TANGO6: variants seen among roughly 807,000 people sequenced by gnomAD.
TANGO6 encodes transport and golgi organization 6 homolog, also known as transport and Golgi organization protein 6 homolog.
TANGO6 carries 90 observed loss-of-function variants against 114.2 expected under a neutral mutation model. The ratio of observed to expected loss-of-function variants is 0.79; its 90% CI spans 0.66 to 0.94. TANGO6 has a LOEUF of 0.94. Ranked by LOEUF, TANGO6 falls within the 40% of genes least tolerant of loss-of-function variation. The pLI is 0.00. For missense variants in TANGO6, 1,274 were observed against 1,315.3 expected (o/e 0.97, Z 0.49); for synonymous variants, 477 against 509.8 (o/e 0.94, Z 0.87).
At chr16:68,911,415 CTTTTT>C (rs776375913) in intron 11 of TANGO6, among the ~76,000 whole-genome samples, 1 of 133,610 alleles carries the variant, frequency 7.5e-6, no homozygotes, top group Non-Finnish European at 1.6e-5. Flanking sequence ...TTTATAGTTT[CTTTTT>C]TTTTTTTTTT....
At chr16:68,901,525 G>A (rs1402928936) in intron 8 of TANGO6, among the ~76,000 whole-genome samples, 2 of 152,180 alleles carry the variant, frequency 1.3e-5, no homozygotes, top group African/African-American at 2.4e-5. Context: ...GTCTCGCTCT[G>A]TTGCCCAGAC....
intron 4 of TANGO6, among the ~76,000 whole-genome samples, chr16:68,868,471 G>T (rs978041232): frequency 2.8e-5 from 4 of 145,452 alleles, no homozygotes; most frequent in Non-Finnish European, 3.0e-5. Context: ...AGTTTTTTCT[G>T]GTATTTACCT....
At chr16:68,920,041 C>G (rs1963068899) in intron 12 of TANGO6, among the ~76,000 whole-genome samples, 1 of 152,098 alleles carries the variant, frequency 6.6e-6, no homozygotes, top group Non-Finnish European at 1.5e-5. Flanking sequence ...GAGCTAAACT[C>G]CATCTCAAAA....
At chr16:69,032,531 G>A (rs1443504641) in intron 16 of TANGO6, among the ~76,000 whole-genome samples, 1 of 151,928 alleles carries the variant, frequency 6.6e-6, no homozygotes, top group African/African-American at 2.4e-5. Flanking sequence ...GCCTCCCAAA[G>A]TGCTAGGATT....
intron 15 of TANGO6, among the ~76,000 whole-genome samples, chr16:68,983,443 C>T (rs557904860): frequency 6.6e-6 from 1 of 152,000 alleles, no homozygotes; most frequent in East Asian, 1.9e-4. Context: ...ATTGAGTAGC[C>T]ACTGAGTGGT....
chr16:68,934,586 T>TG (rs1290030172), intron 14 of TANGO6, among the ~76,000 whole-genome samples: 1 of 152,098 alleles, frequency 6.6e-6, no homozygotes, highest in Non-Finnish European at 1.5e-5. Context: ...GAGATAGGCC[T>TG]GGGGGTCCAG....
At chr16:69,062,184 G>A (rs1456711300) in intron 17 of TANGO6, among the ~76,000 whole-genome samples, 1 of 152,124 alleles carries the variant, frequency 6.6e-6, no homozygotes. Flanking sequence ...CCTGCCTTCT[G>A]GAAAATAAAA....
intron 17 of TANGO6, among the ~76,000 whole-genome samples, chr16:69,053,944 A>G (rs1313295893): frequency 6.6e-6 from 1 of 152,172 alleles, no homozygotes; most frequent in Non-Finnish European, 1.5e-5. Flanking sequence ...AGGGGCCTGT[A>G]ATCCCAGCTA....
intron 1 of TANGO6, among the ~76,000 whole-genome samples, chr16:68,851,272 G>C (rs1961898816): frequency 6.6e-6 from 1 of 152,058 alleles, no homozygotes; most frequent in Admixed American, 6.6e-5. Context: ...CGATTCTCCT[G>C]CCTCAGCCTC....
chr16:68,971,624 A>ATTTTTATC (rs1349254343), intron 14 of TANGO6, among the ~76,000 whole-genome samples: 3 of 150,822 alleles, frequency 2.0e-5, no homozygotes, highest in African/African-American at 7.3e-5. Context: ...GGCCTCAGAC[A>ATTTTTATC]TTTTTTTCTT....
intron 17 of TANGO6, among the ~76,000 whole-genome samples, chr16:69,083,102 T>C: frequency 6.7e-6 from 1 of 149,322 alleles, no homozygotes. Context: ...CTTCTTTTTT[T>C]TTTTTTTTTT....
At chr16:68,936,934 T>C (rs996292071) in intron 14 of TANGO6, among the ~76,000 whole-genome samples, 3 of 152,188 alleles carry the variant, frequency 2.0e-5, no homozygotes, top group Non-Finnish European at 4.4e-5. Context: ...TTCCACCCTC[T>C]TCCTTTCAGA....
Position 68,863,078 on chromosome 16 carries a change from A to G in TANGO6, c.852+17A>G. The stretch of plus-strand genomic sequence containing the variant: ...CCACCCCAGGTACTCAGGCCTAGGG[A>G]CTCTTGGGGGTGACTCATTAATGAT... On this transcript the variant is annotated intron_variant, in intron 3 of 17. Coordinates refer to ENST00000261778, the MANE Select transcript of TANGO6 (RefSeq NM_024562.2). 1 of 1,434,256 alleles carries G rather than the reference A, an allele frequency of 7.0e-7. No individual in the cohort carries two copies. The highest frequency in any genetic ancestry group is 9.4e-7 in the Non-Finnish European group (1 of 1,065,644). The allele number at this position is 1,434,256 out of a possible 1,614,324, so 88.8% of individuals were successfully genotyped here. A position where few individuals can be genotyped will look rare whatever the true frequency, so the allele number is the denominator to read the frequency against.
chr16:68,877,903 C>T (rs531277670), intron 5 of TANGO6, among the ~76,000 whole-genome samples: 5 of 152,222 alleles, frequency 3.3e-5, no homozygotes, highest in African/African-American at 9.6e-5. Context: ...CCACCACACC[C>T]GGCCAAAAAA....
At chr16:68,987,723 G>A (rs1225049563) in intron 15 of TANGO6, among the ~76,000 whole-genome samples, 1 of 152,086 alleles carries the variant, frequency 6.6e-6, no homozygotes, top group Non-Finnish European at 1.5e-5. Flanking sequence ...AGTGACATGG[G>A]GCTTTTTAAG....
intron 17 of TANGO6, among the ~76,000 whole-genome samples, chr16:69,077,175 A>G (rs962274930): frequency 6.6e-6 from 1 of 151,794 alleles, no homozygotes; most frequent in Admixed American, 6.6e-5. Context: ...CAAGCCCTAG[A>G]CTGCAGGCGT....
intron 14 of TANGO6, among the ~76,000 whole-genome samples, chr16:68,945,303 C>G (rs927349060): frequency 1.3e-5 from 2 of 152,194 alleles, no homozygotes; most frequent in African/African-American, 4.8e-5. Flanking sequence ...CTTAGAGTTG[C>G]AGCAAGTTTG....
At chr16:68,945,128 G>A (rs549786111) in intron 14 of TANGO6, among the ~76,000 whole-genome samples, 20 of 152,284 alleles carry the variant, frequency 1.3e-4, no homozygotes, top group South Asian at 6.2e-4. Flanking sequence ...GTGACAGGGC[G>A]AGACTCTGTC....
In TANGO6 at chr16:68,880,561, T is replaced by C. The variant is rs1962444171; in HGVS notation, c.1308T>C (p.Ser436=). The C allele has an allele frequency of 1.2e-6, 2 of 1,612,016 alleles. No homozygotes were observed. The highest frequency in any genetic ancestry group is 2.7e-5 in the African/African-American group (2 of 74,824). ...RCLNTAELSE[S]DMVPGTILVT... is the part of the protein sequence containing the mutation. ...TTTATTTTCTAGAGCTTTCAGAGAGTGACATGGTACCAGGAACTATTTTGG... is the reference window on the plus strand; with the variant it reads ...TTTATTTTCTAGAGCTTTCAGAGAGCGACATGGTACCAGGAACTATTTTGG... Residue 436 remains serine, a synonymous_variant, in exon 7 of 18, where the codon AGT becomes AGC. Transcript: ENST00000261778.
Sources: gnomAD v4.1 joint callset for allele counts (sites outside exome capture counted in the v4.1 genomes callset) on GRCh38, gnomAD v4.1.1 for gene constraint, MANE v1.5 for transcripts, NCBI Gene and HGNC (gene_info 2026-07-23, HGNC 2026-07-21) for gene names.